Variants in WASL observed in about 807,000 individuals in gnomAD.
The protein encoded by WASL is actin nucleation-promoting factor WASL.
Under a neutral mutation model 55.5 loss-of-function variants are expected in WASL, and 20 were observed. That is an observed-to-expected ratio of 0.36 (90% CI 0.25 to 0.52). The LOEUF is 0.52. Among genes scored for constraint, WASL ranks in the 20% least tolerant of loss-of-function variants. The pLI is 0.92. For synonymous variants in WASL, 249 were observed against 217.6 expected (o/e 1.14, Z -1.27); for missense variants, 504 against 622.5 (o/e 0.81, Z 2.03).
intron 2 of WASL, 81 bp from the exon 3 acceptor site, chr7:123,706,907 A>C (rs962204166): frequency 1.3e-6 from 1 of 773,562 alleles, no homozygotes; most frequent in Admixed American, 3.1e-5. Flanking sequence ...ACTCATATTA[A>C]GAAAACTGTT....
intron 5 of WASL, among the ~76,000 whole-genome samples, chr7:123,703,263 T>C (rs1169151139): frequency 6.6e-6 from 1 of 152,158 alleles, no homozygotes; most frequent in Non-Finnish European, 1.5e-5. Flanking sequence ...TGATGCTGAA[T>C]CTTGCTTCAC....
intron 1 of WASL, among the ~76,000 whole-genome samples, chr7:123,715,319 T>G (rs146007889): frequency 1.3e-5 from 2 of 152,166 alleles, no homozygotes; most frequent in Non-Finnish European, 2.9e-5. Context: ...AAAGACCACA[T>G]AGAGAGCAAG....
chr7:123,704,696 T>G, intron 4 of WASL, 39 bp from the exon 5 acceptor site: 3 of 1,310,206 alleles, frequency 2.3e-6, no homozygotes, highest in Non-Finnish European at 3.1e-6. Context: ...ATTAAATATA[T>G]GTAAGACAAC....
chr7:123,721,947 A>G (rs1169522627), intron 1 of WASL, among the ~76,000 whole-genome samples: 2 of 152,134 alleles, frequency 1.3e-5, no homozygotes, highest in African/African-American at 2.4e-5. Flanking sequence ...GAGTCCACAC[A>G]GATCTTTTAC....
At chr7:123,712,581 T>C (rs976810322) in intron 1 of WASL, among the ~76,000 whole-genome samples, 15 of 152,222 alleles carry the variant, frequency 9.9e-5, no homozygotes, top group African/African-American at 2.9e-4. Flanking sequence ...GAAGGATATA[T>C]AGAAGTTCTT....
intron 4 of WASL, 24 bp from the exon 5 acceptor site, chr7:123,704,681 A>G (rs1283568733): frequency 5.8e-6 from 8 of 1,369,176 alleles, no homozygotes; most frequent in Non-Finnish European, 8.0e-6. Context: ...AATTAGAAGA[A>G]TATTATTAAA....
intron 1 of WASL, among the ~76,000 whole-genome samples, chr7:123,716,915 C>T (rs879588422): frequency 1.3e-5 from 2 of 152,144 alleles, no homozygotes; most frequent in Non-Finnish European, 2.9e-5. Context: ...CCAGAGGTCA[C>T]ATATTATACA....
chr7:123,688,396 T>C (rs1382793979), intron 10 of WASL, among the ~76,000 whole-genome samples: 1 of 152,158 alleles, frequency 6.6e-6, no homozygotes, highest in Non-Finnish European at 1.5e-5. Context: ...GTTTTGCTCT[T>C]GTTGCCCATG....
chr7:123,741,997 A>C (rs1804350370), intron 1 of WASL, among the ~76,000 whole-genome samples: 1 of 152,216 alleles, frequency 6.6e-6, no homozygotes. Context: ...ACATTAAAAG[A>C]TAACTTTTTA....
rs1411373711 is a variant in WASL, at chr7:123,682,773, G to C, written c.*1746C>G. 3 of 152,054 alleles carry C rather than the reference G, an allele frequency of 2.0e-5. No individual in the cohort carries two copies. The highest frequency in any genetic ancestry group is 4.4e-5 in the Non-Finnish European group (3 of 67,992). 9.4% of individuals were successfully genotyped at this position (152,054 alleles called of 1,614,324 possible). On this transcript the variant is annotated 3_prime_UTR_variant, in exon 11 of 11. Coordinates refer to ENST00000223023, the MANE Select transcript of WASL (RefSeq NM_003941.4). ...CAGCCTCATCTGCACCAGATTGACT[G>C]AGCTCAAGCCACAATAAAAATGATA...
chr7:123,743,613 A>G (rs963747618), intron 1 of WASL, among the ~76,000 whole-genome samples: 1 of 152,158 alleles, frequency 6.6e-6, no homozygotes, highest in African/African-American at 2.4e-5. Flanking sequence ...TTTACTCTAA[A>G]TCCTCCCTGC....
intron 9 of WASL, among the ~76,000 whole-genome samples, chr7:123,690,240 AC>A (rs1368304860): frequency 1.3e-5 from 2 of 152,228 alleles, no homozygotes; most frequent in Non-Finnish European, 2.9e-5. Flanking sequence ...CTCTCATCAA[AC>A]ACATTTTTTG....
At chr7:123,729,382 C>G (rs2116813864) in intron 1 of WASL, among the ~76,000 whole-genome samples, 1 of 152,200 alleles carries the variant, frequency 6.6e-6, no homozygotes, top group Admixed American at 6.5e-5. Context: ...AAGTACCATA[C>G]TGGACAGTGA....
chr7:123,730,557 T>C (rs1167430357), intron 1 of WASL, among the ~76,000 whole-genome samples: 1 of 151,760 alleles, frequency 6.6e-6, no homozygotes, highest in Non-Finnish European at 1.5e-5. Flanking sequence ...ATTGTAAACA[T>C]AAGTATAACT....
intron 1 of WASL, among the ~76,000 whole-genome samples, chr7:123,728,308 G>A (rs973466119): frequency 2.6e-5 from 4 of 152,106 alleles, no homozygotes; most frequent in Non-Finnish European, 5.9e-5. Context: ...AATTTGGCAA[G>A]GCAAAAATTA....
chr7:123,703,665 A>G (rs7791183), intron 5 of WASL, among the ~76,000 whole-genome samples: 69,474 of 151,944 alleles, frequency 0.46, 16,139 homozygotes, highest in South Asian at 0.67. Flanking sequence ...TCTGTATCAG[A>G]AAAAGAAATT....
At position 123,684,479 on chromosome 7, in the gene WASL, AT is replaced by A. The variant is rs1803254824; in HGVS notation, c.*39del. ...CCACAGACAGAAAGTAGTGTTTAGT[AT>A]TTCACCTTAAAAATATATATATATA... On this transcript the variant is annotated 3_prime_UTR_variant, in exon 11 of 11. Transcript: ENST00000223023. The A allele has an allele frequency of 3.6e-6, 2 of 552,340 alleles. No individual in the cohort carries two copies. The highest frequency in any genetic ancestry group is 3.3e-5 in the Admixed American group (1 of 30,724). The allele number at this position is 552,340 out of a possible 1,614,324, so 34.2% of individuals were successfully genotyped here.
At chr7:123,747,714 T>C (rs1365222674) in intron 1 of WASL, among the ~76,000 whole-genome samples, 1 of 152,132 alleles carries the variant, frequency 6.6e-6, no homozygotes, top group Admixed American at 6.5e-5. Context: ...CACCGCAGTA[T>C]GATCCCGACA....
chr7:123,685,934 AG>A (rs1803280645), intron 10 of WASL, among the ~76,000 whole-genome samples: 1 of 149,024 alleles, frequency 6.7e-6, no homozygotes, highest in Admixed American at 6.7e-5. Flanking sequence ...AAGTATATAA[AG>A]TGGGACAGTG....
Sources: allele counts gnomAD v4.1 joint callset (sites outside exome capture counted in the v4.1 genomes callset), GRCh38; gene constraint gnomAD v4.1.1; transcripts MANE v1.5; gene names NCBI Gene and HGNC (gene_info 2026-07-23, HGNC 2026-07-21).